SETD2: variants seen among roughly 807,000 people sequenced by gnomAD.
SETD2 encodes SET domain containing 2, histone lysine methyltransferase, also known as histone-lysine N-methyltransferase SETD2.
A neutral mutation model predicts 242.1 loss-of-function variants in SETD2; 31 were observed. The observed-to-expected ratio is 0.13, with a 90% CI of 0.10 to 0.17. SETD2 has a LOEUF of 0.17. SETD2 is among the 10% of genes least tolerant of loss of function. SETD2 has a pLI of 1.00. For synonymous variants in SETD2, 1,006 were observed against 1,066.5 expected (o/e 0.94, Z 1.11); for missense variants, 2,481 against 3,046.3 (o/e 0.81, Z 4.37).
chr3:47,116,856 T>A (rs1434621967), intron 3 of SETD2, 102 bp from the exon 4 acceptor site: 2 of 879,562 alleles, frequency 2.3e-6, no homozygotes, highest in Admixed American at 5.4e-5. Context: ...TTCTTTTGGG[T>A]TTTTTTAAAC....
rs747580174 is a variant in SETD2 at position 47,120,933 on chromosome 3, A to G, written c.3703T>C (p.Leu1235=). ...ATCTCACAAGAGGAAGAAAAACTCAATTCTGTTTTTCCCAGTCTACTATCT... is the reference window on the plus strand; with the variant it reads ...ATCTCACAAGAGGAAGAAAAACTCAGTTCTGTTTTTCCCAGTCTACTATCT... The part of the protein sequence containing the change: ...RPDSRLGKTE[L]SFSSSCEIPH... The change falls in exon 3 of 21, where the codon TTG becomes CTG. Residue 1235 remains leucine (L), a synonymous_variant. Transcript: ENST00000409792. 6.2e-7 allele frequency: 1 copy of G among 1,614,216 alleles called. No homozygotes were observed. Among genetic ancestry groups the G allele is most frequent in the Non-Finnish European group, 8.5e-7 (1 of 1,180,026 alleles).
At chr3:47,091,580 C>T (rs1288225488) in intron 9 of SETD2, among the ~76,000 whole-genome samples, 3 of 151,990 alleles carry the variant, frequency 2.0e-5, no homozygotes, top group Non-Finnish European at 4.4e-5. Flanking sequence ...CTGGCCAACA[C>T]GGTGAAACCC....
intron 6 of SETD2, among the ~76,000 whole-genome samples, chr3:47,104,329 G>A (rs1213028255): frequency 6.6e-6 from 1 of 151,954 alleles, no homozygotes; most frequent in Admixed American, 6.6e-5. Context: ...ATTGCTTCAG[G>A]TCAGAAGTGA....
chr3:47,064,090 T>A (rs1412683487), intron 13 of SETD2, among the ~76,000 whole-genome samples: 7 of 152,230 alleles, frequency 4.6e-5, no homozygotes, highest in Non-Finnish European at 1.5e-5. Flanking sequence ...ATTGCTCTCT[T>A]ATTGAGAATT....
At chr3:47,088,630 G>C (rs1415989369) in intron 9 of SETD2, among the ~76,000 whole-genome samples, 1 of 152,026 alleles carries the variant, frequency 6.6e-6, no homozygotes, top group Non-Finnish European at 1.5e-5. Flanking sequence ...TCATAAATAT[G>C]ATGAATGGGT....
At chr3:47,117,787 TTCA>T (rs750019923) in intron 3 of SETD2, among the ~76,000 whole-genome samples, 12 of 152,204 alleles carry the variant, frequency 7.9e-5, no homozygotes, top group Non-Finnish European at 1.8e-4. Flanking sequence ...TTTGATTGCG[TTCA>T]TAATAAGCCA....
At chr3:47,149,277 C>G (rs1315842008) in intron 1 of SETD2, among the ~76,000 whole-genome samples, 1 of 152,098 alleles carries the variant, frequency 6.6e-6, no homozygotes, top group Non-Finnish European at 1.5e-5. Context: ...CTAGTGAGCA[C>G]AACCTGTATG....
intron 14 of SETD2, among the ~76,000 whole-genome samples, chr3:47,058,340 C>G (rs1440024774): frequency 6.9e-6 from 1 of 145,086 alleles, no homozygotes; most frequent in African/African-American, 2.5e-5. Context: ...ACTCAGGAGG[C>G]TGAGGCAGGA....
intron 18 of SETD2, among the ~76,000 whole-genome samples, chr3:47,026,459 TACC>T (rs1275564295): frequency 6.6e-6 from 1 of 152,236 alleles, no homozygotes; most frequent in Non-Finnish European, 1.5e-5. Context: ...ACTGGGTATA[TACC>T]ACAAGGATTA....
At chr3:47,058,116 G>A (rs1054218450) in intron 14 of SETD2, among the ~76,000 whole-genome samples, 1 of 152,150 alleles carries the variant, frequency 6.6e-6, no homozygotes, top group African/African-American at 2.4e-5. Flanking sequence ...AGGGAAGCCA[G>A]AAAACTGAAG....
intron 18 of SETD2, among the ~76,000 whole-genome samples, chr3:47,036,232 A>AT (rs1198392620): frequency 1.1e-4 from 17 of 152,216 alleles, no homozygotes; most frequent in African/African-American, 3.9e-4. Context: ...GTTTTAGAAC[A>AT]TAAAAATATG....
chr3:47,147,268 C>T (rs918031533), intron 1 of SETD2, among the ~76,000 whole-genome samples: 16 of 151,828 alleles, frequency 1.1e-4, no homozygotes, highest in Admixed American at 4.6e-4. Flanking sequence ...CCTCCTCAGC[C>T]TCCCAAAGTG....
chr3:47,106,547 C>G (rs902979918), intron 5 of SETD2, among the ~76,000 whole-genome samples: 10 of 132,644 alleles, frequency 7.5e-5, no homozygotes, highest in Non-Finnish European at 1.1e-4. Context: ...CGCAGAGGCT[C>G]ATGCCTATAA....
rs2040127874 is a variant in SETD2, at chr3:47,057,339, G to T, written c.6445C>A (p.Pro2149Thr). 1 of 1,614,098 alleles carries T rather than the reference G, an allele frequency of 6.2e-7. No homozygotes were observed. Among genetic ancestry groups the T allele is most frequent in the African/African-American group, 1.3e-5 (1 of 74,926 alleles). ...QQMQNLGMTSPLPYDSLGYNA... is the reference protein window; with the variant it reads ...QQMQNLGMTSTLPYDSLGYNA... ...TAACCAAGAGAGTCATAGGGCAGTGGTGATGTCATTCCCAGGTTCTGCATC... is the reference window on the plus strand; with the variant it reads ...TAACCAAGAGAGTCATAGGGCAGTGTTGATGTCATTCCCAGGTTCTGCATC... The change falls in exon 15 of 21, where the codon CCA becomes ACA. Residue 2149 changes from proline to threonine, a missense_variant. By Grantham distance (38) the Pro-to-Thr change is conservative. Around this residue, in one of 17 missense-constraint regions of SETD2, gnomAD observed 45 missense variants for 62.8 expected, o/e 0.72. Coordinates refer to ENST00000409792, the MANE Select transcript of SETD2 (RefSeq NM_014159.7).
rs950707784 is a variant in SETD2 at position 47,098,152 on chromosome 3, C to T, written c.5016-71G>A. ...CATACAAAACTGTTGGCAATACACA[C>T]AAAAGTCATACCAGTCTAAACAAAA... On this transcript the variant is annotated intron_variant, in intron 8 of 20. Coordinates refer to ENST00000409792, the MANE Select transcript of SETD2 (RefSeq NM_014159.7). 4.1e-5 allele frequency: 63 copies of T among 1,533,578 alleles called. 2 individuals are homozygous for T. In the Admixed American group the frequency reaches 1.0e-3, roughly 25 times the overall value. 95.0% of individuals were successfully genotyped at this position (1,533,578 alleles called of 1,614,324 possible). A position where few individuals can be genotyped will look rare whatever the true frequency, so the allele number is the denominator to read the frequency against.
chr3:47,098,103 G>T (rs747367068), intron 8 of SETD2, 22 bp from the exon 9 acceptor site: 25 of 1,612,924 alleles, frequency 1.5e-5, no homozygotes, highest in Non-Finnish European at 2.0e-5. Context: ...GCATAGGAAA[G>T]AAGTCAGCTA....
intron 18 of SETD2, among the ~76,000 whole-genome samples, chr3:47,022,684 G>A (rs900166871): frequency 1.3e-5 from 2 of 152,204 alleles, no homozygotes; most frequent in Non-Finnish European, 2.9e-5. Flanking sequence ...ATGTGAGGCC[G>A]TGGACAGTTA....
intron 1 of SETD2, among the ~76,000 whole-genome samples, chr3:47,142,010 T>C (rs1318422931): frequency 6.6e-6 from 1 of 152,084 alleles, no homozygotes; most frequent in Non-Finnish European, 1.5e-5. Context: ...AGCCAAATGA[T>C]AATATAGGAT....
chr3:47,116,942 C>G (rs540936694), intron 3 of SETD2, among the ~76,000 whole-genome samples, 188 bp from the exon 4 acceptor site: 2 of 152,184 alleles, frequency 1.3e-5, no homozygotes. Flanking sequence ...CTCCTGGATT[C>G]AAATGACCCT....
Sources: gnomAD v4.1 joint callset for allele counts (sites outside exome capture counted in the v4.1 genomes callset) on GRCh38, gnomAD v4.1.1 for gene constraint, gnomAD v4.1.1 regional missense constraint, MANE v1.5 for transcripts, NCBI Gene and HGNC (gene_info 2026-07-23, HGNC 2026-07-21) for gene names.